NFU1: variants seen among roughly 807,000 people sequenced by gnomAD.
The protein encoded by NFU1 is NFU1 iron-sulfur cluster scaffold.
NFU1 carries 30 observed loss-of-function variants against 32.2 expected under a neutral mutation model. The observed-to-expected ratio is 0.93, with a 90% confidence interval of 0.70 to 1.26. NFU1 has a LOEUF of 1.26. Among genes scored for constraint, NFU1 ranks in the 50% most tolerant of loss-of-function variants. The pLI, the probability that NFU1 is intolerant of heterozygous loss-of-function variation, is 0.00. For missense variants in NFU1, 306 were observed against 306.6 expected (o/e 1.00, Z 0.02); for synonymous variants, 112 against 104.6 (o/e 1.07, Z -0.43).
At position 69,423,717 on chromosome 2, in the gene NFU1, A is replaced by T. The variant is rs1471844973; in HGVS notation, c.167T>A (p.Val56Glu). The T allele has an allele frequency of 6.3e-7, 1 of 1,590,786 alleles. No individual in the cohort carries two copies. The highest frequency in any genetic ancestry group is 8.6e-7 in the Non-Finnish European group (1 of 1,159,288). Residue 56 changes from valine (V) to glutamate (E), a missense_variant and splice_region_variant, in exon 3 of 8, where the codon GTG (valine) becomes GAG (glutamate). Transcript: ENST00000410022. ...TTGTGTTTGAATAAACATGTATCTCACTAAAAAAGAAAAAGAAGAAAATGT... is the reference window on the plus strand; with the variant it reads ...TTGTGTTTGAATAAACATGTATCTCTCTAAAAAAGAAAAAGAAGAAAATGT... The part of the protein sequence containing the change: ...FPLPAAFYHP[V>E]RYMFIQTQDT...
intron 1 of NFU1, among the ~76,000 whole-genome samples, chr2:69,432,239 G>T (rs371236405): frequency 6.6e-6 from 1 of 152,166 alleles, no homozygotes; most frequent in East Asian, 1.9e-4. Context: ...TCCTACCCTT[G>T]ATAACCGGGT....
intron 6 of NFU1, among the ~76,000 whole-genome samples, chr2:69,403,907 T>C (rs370266673): frequency 1.3e-5 from 2 of 151,384 alleles, no homozygotes; most frequent in Admixed American, 1.3e-4. Context: ...GGTGCAATCT[T>C]GGGTCACTGC....
intron 4 of NFU1, among the ~76,000 whole-genome samples, chr2:69,417,879 T>C (rs373652605): frequency 6.6e-6 from 1 of 151,536 alleles, no homozygotes; most frequent in Non-Finnish European, 1.5e-5. Flanking sequence ...ACCAAAACCC[T>C]TTAAGATATA....
At chr2:69,420,969 C>G (rs1187882631) in intron 3 of NFU1, among the ~76,000 whole-genome samples, 4 of 152,030 alleles carry the variant, frequency 2.6e-5, no homozygotes, top group Non-Finnish European at 1.5e-5. Context: ...CTTTGGAAGC[C>G]GAGAAGGACA....
chr2:69,436,134 G>A (rs553893572), intron 1 of NFU1, among the ~76,000 whole-genome samples: 5 of 152,204 alleles, frequency 3.3e-5, no homozygotes, highest in Non-Finnish European at 5.9e-5. Context: ...TACTCATTAA[G>A]GGGAGAAACT....
rs563984185 is a variant in NFU1, at chr2:69,415,143, TA to T, written c.484+41del. ...TAAATGTGAAGAAAATAGAAAAGTC[TA>T]AAAAAAGGACAAATTTTAATTACTC... On this transcript the variant is annotated intron_variant, in intron 5 of 7. Coordinates refer to ENST00000410022, the MANE Select transcript of NFU1 (RefSeq NM_001002755.4). 4.0e-4 allele frequency: 454 copies of T among 1,137,794 alleles called. 2 individuals are homozygous for T. In the African/African-American group the frequency reaches 5.9e-3, roughly 15 times the overall value. The allele number at this position is 1,137,794 out of a possible 1,614,324, so 70.5% of individuals were successfully genotyped here.
chr2:69,408,676 C>T (rs1205697143), intron 5 of NFU1, among the ~76,000 whole-genome samples: 6 of 150,684 alleles, frequency 4.0e-5, no homozygotes, highest in East Asian at 2.0e-4. Flanking sequence ...GCTGAGATCA[C>T]GCCACTGCAC....
At chr2:69,414,634 A>C (rs1042831231) in intron 5 of NFU1, among the ~76,000 whole-genome samples, 100 of 151,618 alleles carry the variant, frequency 6.6e-4, no homozygotes, top group African/African-American at 1.9e-3. Context: ...AAAAAAAAAA[A>C]AAAAAAAACA....
At chr2:69,424,417 T>C (rs1296653331) in intron 2 of NFU1, among the ~76,000 whole-genome samples, 2 of 151,580 alleles carry the variant, frequency 1.3e-5, no homozygotes, top group Non-Finnish European at 2.9e-5. Flanking sequence ...GCCTCAAAAG[T>C]ATCTGGGACT....
chr2:69,406,188 A>G, intron 5 of NFU1, 106 bp from the exon 6 acceptor site: 1 of 696,106 alleles, frequency 1.4e-6, no homozygotes, highest in Non-Finnish European at 2.5e-6. Flanking sequence ...TTAAAAACAT[A>G]AAACTATAGA....
At chr2:69,426,010 G>A (rs766801294) in intron 2 of NFU1, among the ~76,000 whole-genome samples, 1 of 151,826 alleles carries the variant, frequency 6.6e-6, no homozygotes, top group Non-Finnish European at 1.5e-5. Context: ...GACTCACACT[G>A]TACCCAAGCT....
intron 7 of NFU1, 134 bp downstream of exon 7, chr2:69,400,230 C>T: frequency 1.2e-6 from 1 of 817,322 alleles, no homozygotes; most frequent in Non-Finnish European, 2.0e-6. Flanking sequence ...ACACAAAAAT[C>T]CAGCCCTTGA....
At chr2:69,426,287 C>T (rs1358801492) in intron 2 of NFU1, among the ~76,000 whole-genome samples, 1 of 150,714 alleles carries the variant, frequency 6.6e-6, no homozygotes, top group Non-Finnish European at 1.5e-5. Flanking sequence ...GACATCTTTA[C>T]AGACTCTTCT....
chr2:69,417,463 A>G (rs1321378606), intron 4 of NFU1, among the ~76,000 whole-genome samples: 1 of 150,640 alleles, frequency 6.6e-6, no homozygotes, highest in East Asian at 1.9e-4. Flanking sequence ...GGCAACATAG[A>G]AGGACACTGT....
intron 5 of NFU1, among the ~76,000 whole-genome samples, chr2:69,413,400 AT>A (rs1672953351): frequency 1.3e-5 from 2 of 151,988 alleles, no homozygotes; most frequent in African/African-American, 4.8e-5. Flanking sequence ...TTCTTAAAAT[AT>A]ACGGCTAATG....
intron 7 of NFU1, among the ~76,000 whole-genome samples, chr2:69,398,662 G>A (rs1672415222): frequency 6.6e-6 from 1 of 152,174 alleles, no homozygotes; most frequent in Non-Finnish European, 1.5e-5. Context: ...ATTCCTCCTG[G>A]TATATAAGCC....
intron 4 of NFU1, among the ~76,000 whole-genome samples, chr2:69,417,289 A>C (rs1240174728): frequency 2.0e-5 from 3 of 152,144 alleles, no homozygotes; most frequent in Non-Finnish European, 4.4e-5. Context: ...AAAATGTGAT[A>C]GTCCATGATG....
intron 5 of NFU1, among the ~76,000 whole-genome samples, chr2:69,412,571 G>C (rs1558822469): frequency 6.6e-6 from 1 of 151,942 alleles, no homozygotes; most frequent in Non-Finnish European, 1.5e-5. Context: ...ATTTTTAGTA[G>C]AGATGGGGTT....
intron 5 of NFU1, 89 bp from the exon 6 acceptor site, chr2:69,406,171 T>G: frequency 1.3e-6 from 1 of 778,420 alleles, no homozygotes; most frequent in South Asian, 1.5e-5. Flanking sequence ...TTTAACTACA[T>G]GGTTCATTAA....
Sources: allele counts gnomAD v4.1 joint callset (sites outside exome capture counted in the v4.1 genomes callset), GRCh38; gene constraint gnomAD v4.1.1; transcripts MANE v1.5; gene names NCBI Gene and HGNC (gene_info 2026-07-23, HGNC 2026-07-21).